Variants in PNN observed in about 807,000 individuals in gnomAD.
The protein encoded by PNN is pinin, desmosome associated protein, also known as pinin.
A neutral mutation model predicts 76.6 loss-of-function variants in PNN; 38 were observed. The observed-to-expected ratio is 0.50, with a 90% CI of 0.38 to 0.65. PNN has a LOEUF of 0.65. PNN is among the 30% of genes least tolerant of loss of function. The pLI is 0.00. For synonymous variants in PNN, 366 were observed against 283.7 expected (o/e 1.29, Z -2.91); for missense variants, 873 against 874.1 (o/e 1.00, Z 0.02).
Position 39,175,377 on chromosome 14 carries a change from AT to A in PNN, c.99del (p.Pro34ArgfsTer4), listed in dbSNP as rs754326041. The A allele has an allele frequency of 6.2e-7, 1 of 1,608,298 alleles. No homozygotes were observed. Among genetic ancestry groups the A allele is most frequent in the Non-Finnish European group, 8.5e-7 (1 of 1,175,194 alleles). The part of the protein sequence containing the change: ...DENIRKLTGR[D>X]PNDVRPIQAR... The stretch of plus-strand genomic sequence containing the variant: ...AACATTCGCAAGCTCACCGGGCGGG[AT>A]CCGAATGACGTGAGGTAAGGGCCTA... On this transcript the variant is annotated frameshift_variant, in exon 1 of 9. Transcript: ENST00000216832. LOFTEE classifies it high-confidence loss of function.
Position 39,179,179 on chromosome 14 carries a change from T to C in PNN, c.587T>C (p.Phe196Ser). 6.2e-7 allele frequency: 1 copy of C among 1,614,150 alleles called. No homozygotes were observed. The highest frequency in any genetic ancestry group is 8.5e-7 in the Non-Finnish European group (1 of 1,180,012). The change falls in exon 7 of 9, where the codon TTT becomes TCT. Residue 196 changes from phenylalanine (F) to serine (S), a missense_variant. By Grantham distance (155) the Phe-to-Ser change is radical. Coordinates refer to ENST00000216832, the MANE Select transcript of PNN (RefSeq NM_002687.4). ...KQVENERREL[F>S]EERRAKQTEL... ...GTTGAAAATGAAAGGAGAGAACTGT[T>C]TGAAGAGAGGCGTGCTAAACAGACA...
intron 1 of PNN, 141 bp downstream of exon 1, chr14:39,175,533 G>A (rs1021683016): frequency 9.0e-6 from 6 of 668,550 alleles, no homozygotes; most frequent in Admixed American, 5.2e-5. Context: ...GTAAAACCCT[G>A]TTGTCGCCGA....
chr14:39,176,822 A>C (rs762931729), intron 3 of PNN, among the ~76,000 whole-genome samples: 58 of 152,228 alleles, frequency 3.8e-4, no homozygotes, highest in Non-Finnish European at 8.2e-4. Flanking sequence ...AATAAAGGTC[A>C]TGTGAAGAGT....
At position 39,177,500 on chromosome 14, in the gene PNN, G is replaced by A. The variant is rs1365656596; in HGVS notation, c.327+16G>A. On this transcript the variant is annotated intron_variant, in intron 4 of 8. Transcript: ENST00000216832. Reference sequence around the variant, plus strand: ...TGTTAAAAAGGTATTGAGATTGAAAGAACTTAAATGAATGTAGTACCTTCA... The same window carrying A: ...TGTTAAAAAGGTATTGAGATTGAAAAAACTTAAATGAATGTAGTACCTTCA... The A allele has an allele frequency of 6.2e-7, 1 of 1,609,500 alleles. No homozygotes were observed. The highest frequency in any genetic ancestry group is 8.5e-7 in the Non-Finnish European group (1 of 1,175,786).
In PNN at chr14:39,181,903, A is replaced by C. The variant is rs571371089; in HGVS notation, c.*40A>C. On this transcript the variant is annotated 3_prime_UTR_variant, in exon 9 of 9. Coordinates refer to ENST00000216832, the MANE Select transcript of PNN (RefSeq NM_002687.4). ...CTTTCTTAGCCATTCTTTGCAGCAG[A>C]AGATTTCTTGATAAAAAAGGATTAC... 4.7e-5 allele frequency: 71 copies of C among 1,518,446 alleles called. No individual in the cohort carries two copies. The highest frequency in any genetic ancestry group is 3.4e-4 in the South Asian group (25 of 74,518). 94.1% of individuals were successfully genotyped at this position (1,518,446 alleles called of 1,614,324 possible).
At chr14:39,175,606 G>C (rs1224221787) in intron 1 of PNN, among the ~76,000 whole-genome samples, 2 of 152,226 alleles carry the variant, frequency 1.3e-5, no homozygotes, top group Non-Finnish European at 2.9e-5. Context: ...GAAGGAGAGC[G>C]AGGCCTGGGT....
Position 39,180,255 on chromosome 14 carries a change from G to A in PNN, c.794-248G>A, listed in dbSNP as rs1025706694. Among the ~76,000 whole-genome samples the A allele has an allele frequency of 1.3e-4, 20 of 152,118 alleles. 1 individual carries two copies. The highest frequency in any genetic ancestry group is 3.9e-4 in the Admixed American group (6 of 15,272). On this transcript the variant is annotated intron_variant, in intron 8 of 8. Coordinates refer to ENST00000216832, the MANE Select transcript of PNN (RefSeq NM_002687.4). ...TTTCATCAGACATAAAGATTGATCT[G>A]TTTTCTTCATCAGTTAGAAAATGTG... is the stretch of plus-strand genomic sequence containing the variant.
In PNN at chr14:39,180,587, AAG is replaced by A. The variant is rs1234562483; in HGVS notation, c.881_882del (p.Glu294AlafsTer6). On this transcript the variant is annotated frameshift_variant, in exon 9 of 9. Transcript: ENST00000216832. LOFTEE classifies it high-confidence loss of function. ...CCTAGAAGACAATCAATGAAGGAAA[AAG>A]AGCATCAGGTGGTGCGTAATGAAGA... is the stretch of plus-strand genomic sequence containing the variant. 1.2e-6 allele frequency: 2 copies of A among 1,614,028 alleles called. No homozygotes were observed. The highest frequency in any genetic ancestry group is 1.7e-6 in the Non-Finnish European group (2 of 1,180,032).
In PNN at chr14:39,181,584, T is replaced by C. The variant is rs1186809039; in HGVS notation, c.1875T>C (p.Thr625=). The C allele has an allele frequency of 1.2e-6, 2 of 1,612,844 alleles. No individual in the cohort carries two copies. Among genetic ancestry groups the C allele is most frequent in the South Asian group, 1.1e-5 (1 of 91,022 alleles). The change falls in exon 9 of 9, where the codon ACT becomes ACC. Residue 625 remains threonine, a synonymous_variant. Transcript: ENST00000216832. ...GCAGCAGAGATAGTAGCAGTAGCAC[T>C]AGTAGTAGTAGTGAGAGTAGAAGTC... ...GSSSRDSSSS[T]SSSSESRSRS...
rs2737721 is a variant in PNN, at chr14:39,183,015, T to C, written c.*1152T>C. 0.24 allele frequency: 36,880 copies of C among 152,610 alleles called. 4,710 individuals are homozygous for C. Among genetic ancestry groups the C allele is most frequent in the Middle Eastern group, 0.35 (103 of 292 alleles). 9.5% of individuals were successfully genotyped at this position (152,610 alleles called of 1,614,324 possible). ...AGAGAGCACTTAAATTGCATCCTTC[T>C]TTGAGTTTAACACTGTAGCTTTAGC... On this transcript the variant is annotated 3_prime_UTR_variant, in exon 9 of 9. Coordinates refer to ENST00000216832, the MANE Select transcript of PNN (RefSeq NM_002687.4).
At chr14:39,176,002 C>A in intron 1 of PNN, 76 bp from the exon 2 acceptor site, 1 of 765,276 alleles carries the variant, frequency 1.3e-6, no homozygotes, top group South Asian at 1.5e-5. Context: ...CCTTATGATC[C>A]ACATCTCTGA....
In PNN at chr14:39,180,597, G is replaced by C; in HGVS notation, c.888G>C (p.Gln296His). ...AATCAATGAAGGAAAAAGAGCATCA[G>C]GTGGTGCGTAATGAAGAACAGAAGG... ...RRQSMKEKEH[Q>H]VVRNEEQKAE... Residue 296 changes from glutamine to histidine, a missense_variant, in exon 9 of 9, where the codon CAG (glutamine) becomes CAC (histidine). By Grantham distance (24) the Gln-to-His change is conservative. Around this residue, in one of 3 missense-constraint regions of PNN, gnomAD observed 712 missense variants for 693.1 expected, o/e 1.03. Transcript: ENST00000216832. 6.2e-7 allele frequency: 1 copy of C among 1,614,144 alleles called. No homozygotes were observed. Among genetic ancestry groups the C allele is most frequent in the Non-Finnish European group, 8.5e-7 (1 of 1,180,026 alleles).
At position 39,177,872 on chromosome 14, in the gene PNN, A is replaced by G; in HGVS notation, c.454A>G (p.Thr152Ala). ...NRRIFGLLMG[T>A]LQKFKQESTV... ...GCGAATATTTGGCTTGTTGATGGGTACCCTTCAAAAATTTAAACAAGAATC... is the reference window on the plus strand; with the variant it reads ...GCGAATATTTGGCTTGTTGATGGGTGCCCTTCAAAAATTTAAACAAGAATC... The change falls in exon 6 of 9, where the codon ACC becomes GCC. Residue 152 changes from threonine to alanine, a missense_variant. By Grantham distance (58) the Thr-to-Ala change is moderately conservative. Around this residue, in one of 3 missense-constraint regions of PNN, gnomAD observed 712 missense variants for 693.1 expected, o/e 1.03. Transcript: ENST00000216832. The G allele has an allele frequency of 6.2e-7, 1 of 1,612,782 alleles. No individual in the cohort carries two copies. Among genetic ancestry groups the G allele is most frequent in the Non-Finnish European group, 8.5e-7 (1 of 1,178,974 alleles).
intron 4 of PNN, 23 bp downstream of exon 4, chr14:39,177,507 A>C (rs2053236982): frequency 3.7e-6 from 6 of 1,606,138 alleles, no homozygotes; most frequent in South Asian, 1.1e-5. Context: ...AAAGAACTTA[A>C]ATGAATGTAG....
rs1252497432 is a variant in PNN at position 39,180,385 on chromosome 14, T to C, written c.794-118T>C. ...ACTTAATTGCCATAATCTTTTGTCA[T>C]AACTTTACAAAAACAAATTCAGATG... is the stretch of plus-strand genomic sequence containing the variant. On this transcript the variant is annotated intron_variant, in intron 8 of 8. Coordinates refer to ENST00000216832, the MANE Select transcript of PNN (RefSeq NM_002687.4). The C allele has an allele frequency of 1.1e-5, 12 of 1,108,394 alleles. No homozygotes were observed. In the East Asian group the frequency reaches 2.9e-4, roughly 27 times the overall value. The allele number at this position is 1,108,394 out of a possible 1,614,324, so 68.7% of individuals were successfully genotyped here.
chr14:39,177,241 C>T (rs913298809), intron 3 of PNN, among the ~76,000 whole-genome samples, 171 bp from the exon 4 acceptor site: 1 of 152,126 alleles, frequency 6.6e-6, no homozygotes, highest in African/African-American at 2.4e-5. Context: ...AAAAAGTTAC[C>T]CAGGCATGCT....
Position 39,175,320 on chromosome 14 carries a change from A to T in PNN, c.41A>T (p.Lys14Met). The change falls in exon 1 of 9, where the codon AAG (lysine) becomes ATG (methionine). Residue 14 changes from lysine (K) to methionine (M), a missense_variant. This residue lies in a region of PNN where 156 missense variants were observed against 161.7 expected (regional missense o/e 0.96). Coordinates refer to ENST00000216832, the MANE Select transcript of PNN (RefSeq NM_002687.4). Reference protein sequence around the residue: ...AVRTLQEQLEKAKESLKNVDE... With the variant: ...AVRTLQEQLEMAKESLKNVDE... ...AGAACTTTGCAGGAACAGCTGGAAA[A>T]GGCCAAAGAGAGTCTTAAGAACGTG... The T allele has an allele frequency of 6.2e-7, 1 of 1,610,658 alleles. No individual in the cohort carries two copies. The highest frequency in any genetic ancestry group is 8.5e-7 in the Non-Finnish European group (1 of 1,178,292).
rs1196211461 is a variant in PNN, at chr14:39,177,910, T to C, written c.492T>C (p.Thr164=). The part of the protein sequence containing the change: ...QKFKQESTVA[T]ERQKRRQEIE... ...TTAAACAAGAATCCACTGTTGCTAC[T>C]GAAAGGGTATTTATCCAAGTTTTGT... is the stretch of plus-strand genomic sequence containing the variant. The change falls in exon 6 of 9, where the codon ACT becomes ACC. Residue 164 remains threonine, a synonymous_variant. Coordinates refer to ENST00000216832, the MANE Select transcript of PNN (RefSeq NM_002687.4). 6 of 1,593,594 alleles carry C rather than the reference T, an allele frequency of 3.8e-6. No homozygotes were observed. The East Asian group carries it at 1.1e-4, about 30-fold the overall frequency.
intron 2 of PNN, 23 bp downstream of exon 2, chr14:39,176,172 C>T (rs764065502): frequency 4.4e-6 from 6 of 1,368,788 alleles, no homozygotes; most frequent in African/African-American, 4.3e-5. Context: ...TTGGACTTTA[C>T]TCATGCTGAA....
Sources: gnomAD v4.1 joint callset for allele counts (sites outside exome capture counted in the v4.1 genomes callset) on GRCh38, gnomAD v4.1.1 for gene constraint, gnomAD v4.1.1 regional missense constraint, MANE v1.5 for transcripts, NCBI Gene and HGNC (gene_info 2026-07-23, HGNC 2026-07-21) for gene names.